Variants in UBR3 observed in about 807,000 individuals in gnomAD.
UBR3 encodes E3 ubiquitin-protein ligase UBR3.
In UBR3, 85 loss-of-function variants were observed where a neutral mutation model predicts 243.2. That is an observed-to-expected ratio of 0.35 (90% CI 0.29 to 0.42). The LOEUF (loss-of-function observed/expected upper bound fraction) is 0.42, where lower values mean the gene tolerates loss of function less well. UBR3 is among the 10% of genes least tolerant of loss of function. The probability of loss-of-function intolerance (pLI) is 1.00; values close to 1 mark genes in which losing one functional copy is unlikely to be tolerated. For missense variants in UBR3, 1,686 were observed against 2,300.8 expected, an observed-to-expected ratio of 0.73 and a Z score of 5.47; for synonymous variants, 748 against 799.8, an observed-to-expected ratio of 0.94 and a Z score of 1.09.
At chr2:170,050,674 T>G (rs2091196383) in intron 32 of UBR3, among the ~76,000 whole-genome samples, 1 of 152,236 alleles carries the variant, frequency 6.6e-6, no homozygotes, top group South Asian at 2.1e-4. Flanking sequence ...TTGATAATTG[T>G]ATTTGAAGGA....
At chr2:170,001,939 A>AAAAAAAAAAAAAAAG (rs1553531165) in intron 27 of UBR3, among the ~76,000 whole-genome samples, 15 of 116,198 alleles carry the variant, frequency 1.3e-4, no homozygotes, top group African/African-American at 3.8e-4. Context: ...AAAAAAAAAA[A>AAAAAAAAAAAAAAAG]AAAGAAAGAA....
chr2:169,872,046 G>A (rs918220489), intron 1 of UBR3, among the ~76,000 whole-genome samples, 190 bp from the exon 2 acceptor site: 1 of 151,902 alleles, frequency 6.6e-6, no homozygotes, highest in African/African-American at 2.4e-5. Flanking sequence ...CTTTTCTTGG[G>A]AAAAATATAC....
intron 27 of UBR3, among the ~76,000 whole-genome samples, chr2:170,001,912 C>CAAAAAAAAAAAAAAAAAAAAAAA (rs71006062): frequency 5.0e-4 from 34 of 67,494 alleles, no homozygotes; most frequent in East Asian, 1.2e-3. Context: ...GACTCCATCT[C>CAAAAAAAAAAAAAAAAAAAAAAA]AAAAAAAAAA....
chr2:169,911,525 C>T (rs1339366469), intron 10 of UBR3, among the ~76,000 whole-genome samples: 2 of 152,006 alleles, frequency 1.3e-5, no homozygotes, highest in Admixed American at 1.3e-4. Context: ...AGTTAGCATG[C>T]ATACTGACTT....
Position 170,079,865 on chromosome 2 carries a change from C to G in UBR3, c.5251C>G (p.Pro1751Ala). The G allele has an allele frequency of 6.2e-7, 1 of 1,613,992 alleles. No homozygotes were observed. Among genetic ancestry groups the G allele is most frequent in the Non-Finnish European group, 8.5e-7 (1 of 1,179,950 alleles). ...KWKLPHLLQL[P>A]ENYNTIFQYY... is the part of the protein sequence containing the mutation. ...GAAATTACCACACCTACTACAGTTG[C>G]CTGAGAATTATAACACCATTTTTCA... The change falls in exon 37 of 39, where the codon CCT becomes GCT. Residue 1751 changes from proline to alanine, a missense_variant. Pro to Ala is a conservative substitution (Grantham distance 27). This residue lies in a region of UBR3 where 89 missense variants were observed against 183.3 expected (regional missense o/e 0.49). Transcript: ENST00000272793.
At chr2:170,005,847 T>C (rs767518392) in intron 27 of UBR3, among the ~76,000 whole-genome samples, 1 of 152,088 alleles carries the variant, frequency 6.6e-6, no homozygotes, top group Non-Finnish European at 1.5e-5. Context: ...CTTCAGTGGT[T>C]GCAGGCAGTA....
chr2:169,841,840 T>C (rs995211335), intron 1 of UBR3, among the ~76,000 whole-genome samples: 1 of 152,194 alleles, frequency 6.6e-6, no homozygotes, highest in East Asian at 1.9e-4. Context: ...TCCTGTGCGG[T>C]CTGAGCTTCC....
intron 35 of UBR3, 139 bp from the exon 36 acceptor site, chr2:170,073,289 C>A: frequency 2.3e-6 from 2 of 861,404 alleles, no homozygotes; most frequent in Non-Finnish European, 3.6e-6. Flanking sequence ...GTTTCTCTTA[C>A]TCCCTTCACT....
intron 20 of UBR3, among the ~76,000 whole-genome samples, chr2:169,944,633 T>G (rs1218416361): frequency 6.6e-6 from 1 of 152,094 alleles, no homozygotes; most frequent in Non-Finnish European, 1.5e-5. Context: ...CTTTATCTTC[T>G]GACATGTTTA....
chr2:169,851,220 G>A (rs1229262346), intron 1 of UBR3, among the ~76,000 whole-genome samples: 1 of 152,138 alleles, frequency 6.6e-6, no homozygotes, highest in Non-Finnish European at 1.5e-5. Flanking sequence ...GACCTCCTAA[G>A]CTCAAGTGAT....
At chr2:169,946,893 A>G (rs1369527264) in intron 21 of UBR3, among the ~76,000 whole-genome samples, 2 of 152,142 alleles carry the variant, frequency 1.3e-5, no homozygotes, top group African/African-American at 4.8e-5. Flanking sequence ...GAATATTGTT[A>G]TATGGGAGAA....
intron 21 of UBR3, 42 bp downstream of exon 21, chr2:169,946,434 C>G: frequency 8.6e-7 from 1 of 1,165,400 alleles, no homozygotes; most frequent in Non-Finnish European, 1.2e-6. Context: ...ATAGGCAGCC[C>G]CTATCTGGCT....
At chr2:169,878,398 C>A in intron 4 of UBR3, 127 bp from the exon 5 acceptor site, 4 of 743,020 alleles carry the variant, frequency 5.4e-6, no homozygotes, top group Admixed American at 3.1e-5. Context: ...GCCAAGATAA[C>A]TGTTAGAATG....
chr2:169,851,418 C>T (rs1053094210), intron 1 of UBR3, among the ~76,000 whole-genome samples: 5 of 152,144 alleles, frequency 3.3e-5, no homozygotes, highest in African/African-American at 7.2e-5. Flanking sequence ...CGTGAGCCAT[C>T]GCAGATTATA....
At chr2:169,973,496 C>T (rs1320843301) in intron 24 of UBR3, among the ~76,000 whole-genome samples, 1 of 151,988 alleles carries the variant, frequency 6.6e-6, no homozygotes, top group Non-Finnish European at 1.5e-5. Flanking sequence ...GGAGGCATCA[C>T]ACTACCTGAC....
At chr2:169,857,489 T>A (rs1462290763) in intron 1 of UBR3, among the ~76,000 whole-genome samples, 1 of 152,048 alleles carries the variant, frequency 6.6e-6, no homozygotes, top group East Asian at 1.9e-4. Context: ...CGATCTCAGC[T>A]CACTGCAACA....
chr2:169,906,256 T>C, intron 10 of UBR3, 92 bp downstream of exon 10: 1 of 1,353,460 alleles, frequency 7.4e-7, no homozygotes, highest in Admixed American at 3.4e-5. Flanking sequence ...GTGCAGTGTT[T>C]AATTTTGTTT....
rs1363699280 is a variant in UBR3 at position 169,949,946 on chromosome 2, T to TGC, written c.3427_3428dup (p.Ser1144HisfsTer6). 1 of 1,613,614 alleles carries TGC rather than the reference T, an allele frequency of 6.2e-7. No homozygotes were observed. The highest frequency in any genetic ancestry group is 8.5e-7 in the Non-Finnish European group (1 of 1,179,768). ...CCGTGGAAAGAATTTTACTAAAAGCTGCATCGCAAAGTAGAATGAACAAAC... is the reference window on the plus strand; with the variant it reads ...CCGTGGAAAGAATTTTACTAAAAGCTGCGCATCGCAAAGTAGAATGAACAAAC... On this transcript the variant is annotated frameshift_variant, in exon 23 of 39. Transcript: ENST00000272793. LOFTEE classifies it high-confidence loss of function.
At chr2:170,045,467 T>G (rs899782857) in intron 32 of UBR3, among the ~76,000 whole-genome samples, 3 of 152,154 alleles carry the variant, frequency 2.0e-5, no homozygotes, top group African/African-American at 7.2e-5. Context: ...TTCTTAACCA[T>G]GCTGTATAGA....
Sources: gnomAD v4.1 joint callset for allele counts (sites outside exome capture counted in the v4.1 genomes callset) on GRCh38, gnomAD v4.1.1 for gene constraint, gnomAD v4.1.1 regional missense constraint, MANE v1.5 for transcripts, NCBI Gene and HGNC (gene_info 2026-07-23, HGNC 2026-07-21) for gene names.